The following HEPHL1 variants were observed in gnomAD, a reference collection of about 807,000 sequenced individuals.
HEPHL1 encodes ferroxidase HEPHL1.
In HEPHL1, 123 loss-of-function variants were observed where a neutral mutation model predicts 122.0. The observed-to-expected ratio is 1.01, with a 90% confidence interval of 0.87 to 1.17. HEPHL1 has a LOEUF of 1.17. Ranked by LOEUF, HEPHL1 falls within the 50% of genes most tolerant of loss-of-function variation. The probability of loss-of-function intolerance (pLI) is 0.00; values close to 1 mark genes in which losing one functional copy is unlikely to be tolerated. For missense variants in HEPHL1, 1,452 were observed against 1,430.5 expected (o/e 1.01, Z -0.24); for synonymous variants, 527 against 508.9 (o/e 1.04, Z -0.48).
intron 9 of HEPHL1, among the ~76,000 whole-genome samples, chr11:94,077,883 G>T (rs190214580): frequency 6.6e-6 from 1 of 152,126 alleles, no homozygotes; most frequent in East Asian, 1.9e-4. Flanking sequence ...TGACCTTTGC[G>T]TGGCTAGTTC....
At chr11:94,104,815 G>A in intron 16 of HEPHL1, 65 bp downstream of exon 16, 1 of 1,241,138 alleles carries the variant, frequency 8.1e-7, no homozygotes, top group Non-Finnish European at 1.1e-6. Context: ...TGTAAATGTA[G>A]GAGGCTCCCA....
At position 94,110,927 on chromosome 11, in the gene HEPHL1, G is replaced by A. The variant is rs751978910; in HGVS notation, c.3070G>A (p.Val1024Met). The A allele has an allele frequency of 1.9e-6, 3 of 1,612,956 alleles. No individual in the cohort carries two copies. Among genetic ancestry groups the A allele is most frequent in the Admixed American group, 3.3e-5 (2 of 59,904 alleles). Residue 1024 changes from valine (V) to methionine (M), a missense_variant, in exon 18 of 20, where the codon GTG becomes ATG. By Grantham distance (21) the Val-to-Met change is conservative. Coordinates refer to ENST00000315765, the MANE Select transcript of HEPHL1 (RefSeq NM_001098672.2). ...GATAGATAAATCTTACCGAGAAGAT[G>A]TGTATGATCTCTTTCCTGGGACATT... The part of the protein sequence containing the change: ...FKIDKSYRED[V>M]YDLFPGTFQT...
intron 17 of HEPHL1, among the ~76,000 whole-genome samples, chr11:94,107,029 C>T (rs987667435): frequency 3.9e-5 from 6 of 152,138 alleles, no homozygotes; most frequent in East Asian, 1.9e-4. Context: ...CTGCCAGGCC[C>T]GACCCAGACC....
chr11:94,077,190 A>C (rs1170380729), intron 9 of HEPHL1, among the ~76,000 whole-genome samples: 1 of 152,172 alleles, frequency 6.6e-6, no homozygotes, highest in African/African-American at 2.4e-5. Context: ...AAACAAAGTA[A>C]AATTATCTGA....
At position 94,104,677 on chromosome 11, in the gene HEPHL1, T is replaced by G. The variant is rs1410122690; in HGVS notation, c.2832T>G (p.Ile944Met). The G allele has an allele frequency of 6.2e-7, 1 of 1,613,842 alleles. No homozygotes were observed. Among genetic ancestry groups the G allele is most frequent in the Non-Finnish European group, 8.5e-7 (1 of 1,179,744 alleles). The change falls in exon 16 of 20, where the codon ATT (isoleucine) becomes ATG (methionine). Residue 944 changes from isoleucine (I) to methionine (M), a missense_variant. Transcript: ENST00000315765. The stretch of plus-strand genomic sequence containing the variant: ...AATCCTGGTATCTGGATGACAATAT[T>G]AAGAAGTATCTCAACAAAGATCCAC... ...ENESWYLDDN[I>M]KKYLNKDPRD...
At chr11:94,065,280 T>TA (rs1946024305) in intron 4 of HEPHL1, among the ~76,000 whole-genome samples, 1 of 152,184 alleles carries the variant, frequency 6.6e-6, no homozygotes, top group Admixed American at 6.6e-5. Flanking sequence ...AACCAAGGTA[T>TA]CCTCAATATA....
At position 94,086,178 on chromosome 11, in the gene HEPHL1, C is replaced by A. The variant is rs761305753; in HGVS notation, c.2069C>A (p.Pro690Gln). ...PHMATTAFMQ[P>Q]DHAGIFRVFC... is the part of the protein sequence containing the mutation. ...ATGGCCACAACAGCATTCATGCAGCCAGACCATGCAGGTAAACTTGCTGGG... is the reference window on the plus strand; with the variant it reads ...ATGGCCACAACAGCATTCATGCAGCAAGACCATGCAGGTAAACTTGCTGGG... Residue 690 changes from proline to glutamine, a missense_variant, in exon 11 of 20, where the codon CCA (proline) becomes CAA (glutamine). Physicochemically the swap from Pro to Gln is moderately conservative, Grantham distance 76 (BLOSUM62 -1). Transcript: ENST00000315765. 1.6e-5 allele frequency: 25 copies of A among 1,609,710 alleles called. No homozygotes were observed. In the East Asian group the frequency reaches 4.5e-4, roughly 29 times the overall value.
In HEPHL1 at chr11:94,044,007, AC is replaced by A. The variant is rs541061539; in HGVS notation, c.171-1661del. ...GTCTCAGAGTAAGATGTGGCCTCTT[AC>A]CCCCAAAAGGGACACAGCTACATTG... is the stretch of plus-strand genomic sequence containing the variant. On this transcript the variant is annotated intron_variant, in intron 1 of 19. Transcript: ENST00000315765. Among the ~76,000 whole-genome samples, 32 of 151,808 alleles carry A rather than the reference AC, an allele frequency of 2.1e-4. No individual in the cohort carries two copies. In the East Asian group the frequency reaches 6.0e-3, roughly 29 times the overall value.
At chr11:94,037,357 G>A (rs1349575771) in intron 1 of HEPHL1, among the ~76,000 whole-genome samples, 1 of 151,770 alleles carries the variant, frequency 6.6e-6, no homozygotes, top group South Asian at 2.1e-4. Flanking sequence ...TGAACTGGGT[G>A]GAGCCCACCA....
At chr11:94,078,102 C>T (rs1946140551) in intron 9 of HEPHL1, among the ~76,000 whole-genome samples, 1 of 152,096 alleles carries the variant, frequency 6.6e-6, no homozygotes, top group Non-Finnish European at 1.5e-5. Context: ...CAGAACAATG[C>T]ATGGCACATT....
intron 2 of HEPHL1, among the ~76,000 whole-genome samples, chr11:94,063,040 G>A (rs900220958): frequency 6.6e-6 from 1 of 152,132 alleles, no homozygotes; most frequent in African/African-American, 2.4e-5. Context: ...CCCAGAGGCA[G>A]GAAGAATGTC....
At chr11:94,060,899 G>C (rs1196014735) in intron 2 of HEPHL1, among the ~76,000 whole-genome samples, 2 of 152,156 alleles carry the variant, frequency 1.3e-5, no homozygotes, top group Non-Finnish European at 2.9e-5. Flanking sequence ...GATTAGAAAG[G>C]CTAGAGGAAG....
At chr11:94,037,816 T>A (rs1945740350) in intron 1 of HEPHL1, among the ~76,000 whole-genome samples, 1 of 151,758 alleles carries the variant, frequency 6.6e-6, no homozygotes, top group Non-Finnish European at 1.5e-5. Flanking sequence ...AGAGCGCCTC[T>A]CCTCCTCCAA....
At chr11:94,090,867 C>A (rs4753125) in intron 12 of HEPHL1, among the ~76,000 whole-genome samples, 5 of 152,172 alleles carry the variant, frequency 3.3e-5, no homozygotes, top group African/African-American at 1.2e-4. Flanking sequence ...TCTGCCCCAC[C>A]TTGGGACCTA....
intron 1 of HEPHL1, among the ~76,000 whole-genome samples, chr11:94,030,066 G>A (rs1011731576): frequency 1.3e-5 from 2 of 152,216 alleles, no homozygotes; most frequent in African/African-American, 2.4e-5. Context: ...GGGTAGAGAA[G>A]TAGAGTCCAA....
intron 1 of HEPHL1, among the ~76,000 whole-genome samples, chr11:94,026,043 G>A (rs1945621933): frequency 6.6e-6 from 1 of 152,142 alleles, no homozygotes; most frequent in Non-Finnish European, 1.5e-5. Context: ...GTCCAAGGCT[G>A]GTGGGATAGA....
At position 94,096,122 on chromosome 11, in the gene HEPHL1, T is replaced by C. The variant is rs1946310472; in HGVS notation, c.2434+2482T>C. 2.0e-5 allele frequency among the ~76,000 whole-genome samples: 3 copies of C among 152,298 alleles called. No homozygotes were observed. In the South Asian group the frequency reaches 6.2e-4, roughly 32 times the overall value. Reference sequence around the variant, plus strand: ...CAGTTTTCAAAGGGAATGCTTCCAGTTTTTGCCCATTCAGTATGATATTGG... The same window carrying C: ...CAGTTTTCAAAGGGAATGCTTCCAGCTTTTGCCCATTCAGTATGATATTGG... On this transcript the variant is annotated intron_variant, in intron 13 of 19. Coordinates refer to ENST00000315765, the MANE Select transcript of HEPHL1 (RefSeq NM_001098672.2).
In HEPHL1 at chr11:94,104,638, A is replaced by G. The variant is rs757938757; in HGVS notation, c.2793A>G (p.Val931=). The G allele has an allele frequency of 2.7e-5, 44 of 1,613,662 alleles. 1 individual carries two copies. In the South Asian group the frequency reaches 4.7e-4, roughly 17 times the overall value. ...ATGAATTTGCTCTCTTGTTTTTGGT[A>G]TTTAATGAGAATGAATCCTGGTATC... ...VDYEFALLFL[V]FNENESWYLD... Residue 931 remains valine (V), a synonymous_variant, in exon 16 of 20, where the codon GTA becomes GTG. Coordinates refer to ENST00000315765, the MANE Select transcript of HEPHL1 (RefSeq NM_001098672.2).
intron 2 of HEPHL1, among the ~76,000 whole-genome samples, chr11:94,050,384 T>A (rs916073724): frequency 6.6e-6 from 1 of 152,182 alleles, no homozygotes; most frequent in South Asian, 2.1e-4. Flanking sequence ...ATATTAGTAG[T>A]GAGACCAGAT....
Sources: allele counts gnomAD v4.1 joint callset (sites outside exome capture counted in the v4.1 genomes callset), GRCh38; gene constraint gnomAD v4.1.1; transcripts MANE v1.5; gene names NCBI Gene and HGNC (gene_info 2026-07-23, HGNC 2026-07-21).